UBE2D3: variants seen among roughly 807,000 people sequenced by gnomAD.
UBE2D3 encodes the protein ubiquitin conjugating enzyme E2 D3, also known as ubiquitin-conjugating enzyme E2 D3.
Under a neutral mutation model 22.8 loss-of-function variants are expected in UBE2D3, and 2 were observed. The observed-to-expected ratio is 0.09, with a 90% CI of 0.04 to 0.28. UBE2D3 has a LOEUF of 0.28. UBE2D3 is among the 10% of genes least tolerant of loss of function. UBE2D3 has a pLI of 1.00. For missense variants in UBE2D3, 27 were observed against 182.5 expected (o/e 0.15, Z 4.91); for synonymous variants, 56 against 60.4 (o/e 0.93, Z 0.34).
chr4:102,822,762 T>TGCCCCTACTAAAAAAACAAAAAAATTA (rs1729820577), intron 2 of UBE2D3, among the ~76,000 whole-genome samples: 1 of 147,268 alleles, frequency 6.8e-6, no homozygotes, highest in East Asian at 2.0e-4. Context: ...GGTGAAACCC[T>TGCCCCTACTAAAAAAACAAAAAAATTA]GCCTCTACTA....
At chr4:102,811,630 C>T in intron 2 of UBE2D3, 1 of 320,474 alleles carries the variant, frequency 3.1e-6, no homozygotes, top group East Asian at 1.0e-4. Flanking sequence ...GCAGATCGCG[C>T]CACTGCACTC....
In UBE2D3 at chr4:102,803,778, T is replaced by C. The variant is rs753611895; in HGVS notation, c.121-1140A>G. 1.8e-4 allele frequency among the ~76,000 whole-genome samples: 27 copies of C among 152,338 alleles called. No homozygotes were observed. In the Middle Eastern group the frequency reaches 0.014, roughly 77 times the overall value. On this transcript the variant is annotated intron_variant, in intron 4 of 7. Coordinates refer to ENST00000453744, the MANE Select transcript of UBE2D3 (RefSeq NM_181891.3). ...TACAACTAGTAAATGGAAGAGCTTTTATTTATTTGAGACGGAGTCTCACTC... is the reference window on the plus strand; with the variant it reads ...TACAACTAGTAAATGGAAGAGCTTTCATTTATTTGAGACGGAGTCTCACTC...
intron 7 of UBE2D3, chr4:102,799,073 G>A: frequency 7.2e-7 from 1 of 1,389,240 alleles, no homozygotes; most frequent in East Asian, 2.4e-5. Context: ...GAGAAATTTA[G>A]ACCAAATTTT....
intron 4 of UBE2D3, 131 bp downstream of exon 4, chr4:102,809,541 G>T (rs1356822030): frequency 4.1e-6 from 4 of 977,742 alleles, no homozygotes; most frequent in Non-Finnish European, 4.5e-6. Context: ...TTCAAATGCA[G>T]TACAACTATG....
At chr4:102,810,542 A>G (rs1030113400) in intron 2 of UBE2D3, 1 of 151,824 alleles carries the variant, frequency 6.6e-6, no homozygotes, top group Non-Finnish European at 1.5e-5. Flanking sequence ...ATGCCAGGCT[A>G]ATTTTTTGTA....
At chr4:102,820,279 G>A (rs907953435) in intron 2 of UBE2D3, among the ~76,000 whole-genome samples, 3 of 152,108 alleles carry the variant, frequency 2.0e-5, no homozygotes, top group Non-Finnish European at 2.9e-5. Context: ...ATGTAGATGC[G>A]AATATCAAGG....
intron 4 of UBE2D3, 75 bp from the exon 5 acceptor site, chr4:102,802,713 C>T: frequency 8.2e-7 from 1 of 1,223,648 alleles, no homozygotes; most frequent in Non-Finnish European, 1.1e-6. Context: ...TGTTTCCAAG[C>T]ATTTCTCTAA....
In UBE2D3 at chr4:102,852,783, T is replaced by TA. The variant is rs756437008; in HGVS notation, c.-129+15931dup. On this transcript the variant is annotated intron_variant, in intron 1 of 7. Coordinates refer to the UBE2D3 transcript ENST00000338145. Reference sequence around the variant, plus strand: ...GCAAGGACAAAAGATATCTGTAGCTTAAAAAATTTTAATACAGGTTGTCAG... The same window carrying TA: ...GCAAGGACAAAAGATATCTGTAGCTTAAAAAAATTTTAATACAGGTTGTCAG... Among the ~76,000 whole-genome samples the TA allele has an allele frequency of 8.5e-4, 129 of 152,314 alleles. 2 individuals are homozygous for TA. The highest frequency in any genetic ancestry group is 1.7e-3 in the Non-Finnish European group (113 of 68,024).
intron 2 of UBE2D3, chr4:102,810,418 T>G (rs1167472556): frequency 6.7e-6 from 1 of 149,320 alleles, no homozygotes; most frequent in Non-Finnish European, 1.5e-5. Flanking sequence ...TATTGAAATT[T>G]TTTTTTTTTT....
At chr4:102,813,962 T>C (rs939564677) in intron 2 of UBE2D3, among the ~76,000 whole-genome samples, 2 of 152,236 alleles carry the variant, frequency 1.3e-5, no homozygotes, top group Non-Finnish European at 2.9e-5. Flanking sequence ...CAATTCACTT[T>C]GGAAACTCAT....
chr4:102,809,438 G>A (rs984933382), intron 4 of UBE2D3: 4 of 512,722 alleles, frequency 7.8e-6, no homozygotes, highest in African/African-American at 7.7e-5. Context: ...AGAGATGTTT[G>A]GTAGGTCATA....
In UBE2D3 at chr4:102,795,286, G is replaced by A. The variant is rs959089313; in HGVS notation, c.*2129C>T. 2.6e-5 allele frequency: 4 copies of A among 151,996 alleles called. No homozygotes were observed. The highest frequency in any genetic ancestry group is 5.9e-5 in the Non-Finnish European group (4 of 67,918). The allele number at this position is 151,996 out of a possible 1,614,324, so 9.4% of individuals were successfully genotyped here. On this transcript the variant is annotated 3_prime_UTR_variant, in exon 8 of 8. Coordinates refer to ENST00000453744, the MANE Select transcript of UBE2D3 (RefSeq NM_181891.3). Reference sequence around the variant, plus strand: ...AAGGTCAATTTGAAAGCCAGTTAGGGATCCACCGTGTTTCATAAAAGTGTC... The same window carrying A: ...AAGGTCAATTTGAAAGCCAGTTAGGAATCCACCGTGTTTCATAAAAGTGTC...
chr4:102,833,465 A>G (rs142188742), intron 1 of UBE2D3, among the ~76,000 whole-genome samples: 167 of 152,342 alleles, frequency 1.1e-3, no homozygotes, highest in African/African-American at 4.0e-3. Flanking sequence ...AGTACTTAGT[A>G]TAAGTGGGTA....
At chr4:102,801,414 T>C in intron 6 of UBE2D3, 40 bp downstream of exon 6, 1 of 1,532,034 alleles carries the variant, frequency 6.5e-7, no homozygotes, top group South Asian at 1.2e-5. Context: ...TGAAGCTTTA[T>C]TAGACAATGA....
chr4:102,855,009 T>A (rs1427377768), intron 1 of UBE2D3, among the ~76,000 whole-genome samples: 1 of 152,196 alleles, frequency 6.6e-6, no homozygotes, highest in South Asian at 2.1e-4. Flanking sequence ...AATGAAAAAG[T>A]GGGGCTGACC....
chr4:102,809,945 A>AT (rs1727687266), intron 2 of UBE2D3, 90 bp from the exon 3 acceptor site: 1 of 1,270,654 alleles, frequency 7.9e-7, no homozygotes, highest in Admixed American at 1.8e-5. Flanking sequence ...CTTTCACCCT[A>AT]TTTTTAAAGG....
At chr4:102,825,172 C>T (rs2110331339) in intron 2 of UBE2D3, 1 of 906,498 alleles carries the variant, frequency 1.1e-6, no homozygotes, top group Non-Finnish European at 1.3e-6. Context: ...AAGGCAAATT[C>T]TTGCCATTCC....
intron 1 of UBE2D3, among the ~76,000 whole-genome samples, chr4:102,838,807 CAAA>C (rs145975514): frequency 3.1e-4 from 17 of 54,324 alleles, no homozygotes; most frequent in Middle Eastern, 0.012. Context: ...CTGTGCTGGG[CAAA>C]AAAAAAAAAA....
At chr4:102,797,705 G>A (rs1174692773) in intron 7 of UBE2D3, among the ~76,000 whole-genome samples, 1 of 151,886 alleles carries the variant, frequency 6.6e-6, no homozygotes, top group Non-Finnish European at 1.5e-5. Context: ...TGAAAATTGG[G>A]AGGCTAACAA....
Sources: allele counts gnomAD v4.1 joint callset (sites outside exome capture counted in the v4.1 genomes callset), GRCh38; gene constraint gnomAD v4.1.1; transcripts MANE v1.5; gene names NCBI Gene and HGNC (gene_info 2026-07-23, HGNC 2026-07-21).